NCKAP5: variants seen among roughly 807,000 people sequenced by gnomAD.
The protein encoded by NCKAP5 is nck-associated protein 5.
In NCKAP5, 92 loss-of-function variants were observed where a neutral mutation model predicts 167.0. That is an observed-to-expected ratio of 0.55 (90% CI 0.47 to 0.66). The LOEUF is 0.66. Among genes scored for constraint, NCKAP5 ranks in the 30% least tolerant of loss-of-function variants. NCKAP5 has a pLI of 0.00. For synonymous variants in NCKAP5, 891 were observed against 877.4 expected, an observed-to-expected ratio of 1.02 and a Z score of -0.27; for missense variants, 2,378 against 2,315.0, an observed-to-expected ratio of 1.03 and a Z score of -0.56.
intron 2 of NCKAP5, among the ~76,000 whole-genome samples, chr2:133,546,114 G>A (rs765455213): frequency 1.2e-4 from 17 of 147,486 alleles, no homozygotes; most frequent in South Asian, 2.1e-4. Flanking sequence ...GCATGTGTAC[G>A]CACACACAAA....
chr2:132,715,339 G>A (rs780506216), intron 19 of NCKAP5, among the ~76,000 whole-genome samples: 11 of 152,188 alleles, frequency 7.2e-5, no homozygotes, highest in Non-Finnish European at 1.0e-4. Flanking sequence ...TTAATCTTCC[G>A]TGTCTGGTGT....
At chr2:133,086,519 A>G (rs1661833764) in intron 6 of NCKAP5, among the ~76,000 whole-genome samples, 2 of 152,062 alleles carry the variant, frequency 1.3e-5, no homozygotes, top group Non-Finnish European at 2.9e-5. Flanking sequence ...GTGTGTGTCT[A>G]TAGTCCCAGC....
At chr2:133,160,433 C>CTTTTTT (rs869057265) in intron 5 of NCKAP5, among the ~76,000 whole-genome samples, 3 of 100,864 alleles carry the variant, frequency 3.0e-5, no homozygotes, top group African/African-American at 1.4e-4. Context: ...CTTTTCCTTT[C>CTTTTTT]TTTTTCTTTT....
intron 8 of NCKAP5, among the ~76,000 whole-genome samples, chr2:132,927,611 T>G (rs1181251104): frequency 2.0e-5 from 3 of 152,116 alleles, no homozygotes; most frequent in Admixed American, 2.0e-4. Flanking sequence ...CAGGGTTCTT[T>G]TGTTTGTTTT....
intron 6 of NCKAP5, among the ~76,000 whole-genome samples, chr2:133,129,562 G>A (rs909501801): frequency 2.0e-5 from 3 of 152,192 alleles, no homozygotes; most frequent in Non-Finnish European, 2.9e-5. Flanking sequence ...ACATACGTGT[G>A]CATGTGTCTT....
chr2:133,558,721 A>AAAAAAAAAAAAAAC, intron 2 of NCKAP5, among the ~76,000 whole-genome samples: 2 of 149,862 alleles, frequency 1.3e-5, no homozygotes, highest in Admixed American at 6.6e-5. Context: ...AAAAAAAAAA[A>AAAAAAAAAAAAAAC]AAAAAGCCCA....
At chr2:133,329,294 G>A (rs1338138623) in intron 3 of NCKAP5, among the ~76,000 whole-genome samples, 5 of 152,096 alleles carry the variant, frequency 3.3e-5, no homozygotes, top group Admixed American at 1.3e-4. Flanking sequence ...GGACAGCCAC[G>A]TGGACAGGGA....
At chr2:133,272,214 G>T (rs1395913140) in intron 4 of NCKAP5, among the ~76,000 whole-genome samples, 1 of 150,646 alleles carries the variant, frequency 6.6e-6, no homozygotes, top group Non-Finnish European at 1.5e-5. Flanking sequence ...AATGTTCAAA[G>T]TACCCAAACA....
chr2:133,384,829 A>G (rs1007422584), intron 3 of NCKAP5, among the ~76,000 whole-genome samples: 1 of 152,110 alleles, frequency 6.6e-6, no homozygotes, highest in African/African-American at 2.4e-5. Flanking sequence ...ATGGGAATTC[A>G]CTCATGATTT....
intron 16 of NCKAP5, among the ~76,000 whole-genome samples, chr2:132,746,933 T>C (rs1453235466): frequency 2.0e-5 from 3 of 152,060 alleles, no homozygotes; most frequent in African/African-American, 7.2e-5. Flanking sequence ...ACTACACTGA[T>C]ATAAAGCAGA....
rs538627321 is a variant in NCKAP5 at position 132,977,203 on chromosome 2, A to G, written c.430-13334T>C. On this transcript the variant is annotated intron_variant, in intron 7 of 19. Coordinates refer to ENST00000409261, the MANE Select transcript of NCKAP5 (RefSeq NM_207363.3). ...ACAGAAGGCATTCAGCAAATGTCCAATGCTGGTGAATATGCTGATGCTTTA... is the reference window on the plus strand; with the variant it reads ...ACAGAAGGCATTCAGCAAATGTCCAGTGCTGGTGAATATGCTGATGCTTTA... Among the ~76,000 whole-genome samples the G allele has an allele frequency of 2.2e-4, 34 of 152,340 alleles. No individual in the cohort carries two copies. The Middle Eastern group carries it at 0.014, about 61-fold the overall frequency.
chr2:133,142,160 T>C (rs945281004), intron 5 of NCKAP5, among the ~76,000 whole-genome samples: 1 of 152,114 alleles, frequency 6.6e-6, no homozygotes, highest in Non-Finnish European at 1.5e-5. Context: ...GGAAAACATA[T>C]ACTCTTAAAA....
At chr2:133,259,863 G>A (rs949324164) in intron 4 of NCKAP5, among the ~76,000 whole-genome samples, 10 of 152,054 alleles carry the variant, frequency 6.6e-5, no homozygotes, top group African/African-American at 2.4e-4. Context: ...TCCTTTCTAC[G>A]TGTCTTCTAT....
At chr2:133,319,155 C>G (rs1161440883) in intron 3 of NCKAP5, among the ~76,000 whole-genome samples, 10 of 148,870 alleles carry the variant, frequency 6.7e-5, no homozygotes, top group Non-Finnish European at 1.3e-4. Flanking sequence ...CCCTCCCCCC[C>G]CGCCCCCTTC....
chr2:132,967,469 A>AT (rs1161583783), intron 7 of NCKAP5, among the ~76,000 whole-genome samples: 1 of 152,158 alleles, frequency 6.6e-6, no homozygotes, highest in African/African-American at 2.4e-5. Flanking sequence ...GAAAGAGAAA[A>AT]TTTTAAAAGG....
upstream of NCKAP5, among the ~76,000 whole-genome samples, chr2:133,571,571 A>T (rs1688869380): frequency 6.6e-6 from 1 of 152,160 alleles, no homozygotes; most frequent in Admixed American, 6.5e-5. Flanking sequence ...ATGGCTATTT[A>T]CCTGATCATT....
At chr2:132,890,400 T>C (rs1396358996) in intron 8 of NCKAP5, among the ~76,000 whole-genome samples, 1 of 135,902 alleles carries the variant, frequency 7.4e-6, no homozygotes, top group Non-Finnish European at 1.7e-5. Flanking sequence ...GAGGCCACCA[T>C]AAAGAAAAAA....
At chr2:133,330,372 A>G (rs1021345093) in intron 3 of NCKAP5, among the ~76,000 whole-genome samples, 8 of 146,106 alleles carry the variant, frequency 5.5e-5, no homozygotes, top group African/African-American at 1.8e-4. Context: ...GACATGATAC[A>G]CCATGCCTGG....
intron 19 of NCKAP5, among the ~76,000 whole-genome samples, chr2:132,696,881 ATTC>A (rs1326514279): frequency 6.6e-6 from 1 of 151,966 alleles, no homozygotes; most frequent in African/African-American, 2.4e-5. Flanking sequence ...CATGCTTCTT[ATTC>A]TTCTTTTTTA....
Sources: allele counts gnomAD v4.1 joint callset (sites outside exome capture counted in the v4.1 genomes callset), GRCh38; gene constraint gnomAD v4.1.1; transcripts MANE v1.5; gene names NCBI Gene and HGNC (gene_info 2026-07-23, HGNC 2026-07-21).